ZFHX2: variants seen among roughly 807,000 people sequenced by gnomAD.
The protein encoded by ZFHX2 is zinc finger homeobox 2, also known as zinc finger homeobox protein 2.
Under a neutral mutation model 164.8 loss-of-function variants are expected in ZFHX2, and 75 were observed. The observed-to-expected ratio is 0.46, with a 90% confidence interval of 0.38 to 0.55. The LOEUF (loss-of-function observed/expected upper bound fraction) is 0.55, where lower values mean the gene tolerates loss of function less well. Ranked by LOEUF, ZFHX2 falls within the 20% of genes least tolerant of loss-of-function variation. The pLI is 0.00. For missense variants in ZFHX2, 2,933 were observed against 3,308.0 expected (o/e 0.89, Z 2.78); for synonymous variants, 1,217 against 1,351.4 (o/e 0.90, Z 2.18).
In ZFHX2 at chr14:23,522,895, C is replaced by A; in HGVS notation, c.6786G>T (p.Leu2262=). ...SGLLGLATSV[L]PTTTVVQTAG... is the part of the protein sequence containing the mutation. ...CAGTCTGGACCACTGTGGTGGTAGG[C>A]AGGACCGAAGTGGCGAGGCCGAGGA... Residue 2262 remains leucine, a synonymous_variant, in exon 10 of 10, where the codon CTG becomes CTT. Coordinates refer to ENST00000419474, the MANE Select transcript of ZFHX2 (RefSeq NM_033400.3). 1 of 1,481,256 alleles carries A rather than the reference C, an allele frequency of 6.8e-7. No individual in the cohort carries two copies. Among genetic ancestry groups the A allele is most frequent in the Non-Finnish European group, 8.9e-7 (1 of 1,119,472 alleles). The allele number at this position is 1,481,256 out of a possible 1,614,324, so 91.8% of individuals were successfully genotyped here. A position where few individuals can be genotyped will look rare whatever the true frequency, so the allele number is the denominator to read the frequency against.
At chr14:23,531,370 C>A in intron 4 of ZFHX2, 111 bp downstream of exon 4, 1 of 1,311,722 alleles carries the variant, frequency 7.6e-7, no homozygotes, top group Non-Finnish European at 9.8e-7. Context: ...GTATAGGTGG[C>A]CTACAGGCCC....
At chr14:23,530,265 A>C (rs1879364933) in intron 4 of ZFHX2, 71 bp from the exon 5 acceptor site, 5 of 1,136,470 alleles carry the variant, frequency 4.4e-6, no homozygotes, top group Middle Eastern at 1.9e-4. Flanking sequence ...AGGACAGAGG[A>C]AGCAGGACAA....
At chr14:23,536,931 A>G (rs1880211935) in intron 1 of ZFHX2, among the ~76,000 whole-genome samples, 1 of 152,194 alleles carries the variant, frequency 6.6e-6, no homozygotes, top group African/African-American at 2.4e-5. Context: ...TGAGGTCAGG[A>G]GTTTGAGACT....
rs1326796453 is a variant in ZFHX2, at chr14:23,522,840, G to A, written c.6841C>T (p.Pro2281Ser). ...GAGGTGTTGGTTTGGTCGGGCATGGGTCTCTGAGGTAAGGGGCGGCCTGGG... is the reference window on the plus strand; with the variant it reads ...GAGGTGTTGGTTTGGTCGGGCATGGATCTCTGAGGTAAGGGGCGGCCTGGG... The part of the protein sequence containing the change: ...AGPGRPLPQR[P>S]MPDQTNTSTA... Residue 2281 changes from proline (P) to serine (S), a missense_variant, in exon 10 of 10, where the codon CCC becomes TCC. Physicochemically the swap from Pro to Ser is moderately conservative, Grantham distance 74. Coordinates refer to ENST00000419474, the MANE Select transcript of ZFHX2 (RefSeq NM_033400.3). The A allele has an allele frequency of 1.0e-5, 16 of 1,533,064 alleles. No individual in the cohort carries two copies. The highest frequency in any genetic ancestry group is 1.4e-5 in the Non-Finnish European group (16 of 1,145,064). The allele number at this position is 1,533,064 out of a possible 1,614,324, so 95.0% of individuals were successfully genotyped here.
In ZFHX2 at chr14:23,549,265, C is replaced by T. The variant is rs950882214; in HGVS notation, c.-50+2078G>A. Among the ~76,000 whole-genome samples, 4 of 152,182 alleles carry T rather than the reference C, an allele frequency of 2.6e-5. No individual in the cohort carries two copies. The East Asian group carries it at 5.8e-4, about 22-fold the overall frequency. On this transcript the variant is annotated intron_variant, in intron 1 of 9. Transcript: ENST00000419474. ...ATAGATTTTCCTCCCTTCCTTTGCA[C>T]ATCCCTCACGTCATACATTTCTCTA...
At chr14:23,531,824 C>G (rs1030120162) in intron 3 of ZFHX2, 103 bp from the exon 4 acceptor site, 1 of 1,249,472 alleles carries the variant, frequency 8.0e-7, no homozygotes, top group African/African-American at 1.5e-5. Flanking sequence ...GTTGCCCAGG[C>G]TGGAGTGCAG....
rs764367616 is a variant in ZFHX2 at position 23,535,281 on chromosome 14, G to C, written c.45C>G (p.Ser15=). Residue 15 remains serine (S), a synonymous_variant, in exon 2 of 10, where the codon TCC becomes TCG. Transcript: ENST00000419474. This position sits in a 1 kb window ranked among gnomAD's most constrained non-coding sequence, Gnocchi z 4.5. ...NSASTTGTTP[S]PGHNAPSLPS... ...GCAGGGACGGGGCATTGTGCCCAGG[G>C]GAGGGGGTGGTACCAGTGGTAGAGG... 1.1e-4 allele frequency: 168 copies of C among 1,486,180 alleles called. No homozygotes were observed. Among genetic ancestry groups the C allele is most frequent in the Non-Finnish European group, 1.4e-4 (162 of 1,117,502 alleles). The allele number at this position is 1,486,180 out of a possible 1,614,324, so 92.1% of individuals were successfully genotyped here.
At chr14:23,555,619 T>G (rs1420934718), upstream of ZFHX2, 1 of 152,140 alleles carries the variant, frequency 6.6e-6, no homozygotes, top group South Asian at 2.1e-4. Context: ...AGGTATTAGA[T>G]CCCCTCTAAA....
Position 23,531,499 on chromosome 14 carries a change from C to A in ZFHX2, c.2782G>T (p.Gly928Trp), listed in dbSNP as rs942713029. 4 of 1,435,276 alleles carry A rather than the reference C, an allele frequency of 2.8e-6. No homozygotes were observed. The Admixed American group carries it at 9.4e-5, about 34-fold the overall frequency. The allele number at this position is 1,435,276 out of a possible 1,614,324, so 88.9% of individuals were successfully genotyped here. Residue 928 changes from glycine (G) to tryptophan (W), a missense_variant, in exon 4 of 10, where the codon GGG becomes TGG. Physicochemically the swap from Gly to Trp is radical, Grantham distance 184 (BLOSUM62 -2). Transcript: ENST00000419474. Reference sequence around the variant, plus strand: ...TCCTCACCGGGAGTCCGGAGCTGCCCGTGGCTGAAGCTCAGGATGCTCTGA... The same window carrying A: ...TCCTCACCGGGAGTCCGGAGCTGCCAGTGGCTGAAGCTCAGGATGCTCTGA... ...ALQSILSFSHGQLRTPGKAPV... is the reference protein window; with the variant it reads ...ALQSILSFSHWQLRTPGKAPV...
At position 23,529,850 on chromosome 14, in the gene ZFHX2, T is replaced by A. The variant is rs1444754733; in HGVS notation, c.2876-82A>T. 1.1e-5 allele frequency: 15 copies of A among 1,400,738 alleles called. No homozygotes were observed. In the South Asian group the frequency reaches 1.7e-4, roughly 16 times the overall value. 86.8% of individuals were successfully genotyped at this position (1,400,738 alleles called of 1,614,324 possible). A position where few individuals can be genotyped will look rare whatever the true frequency, so the allele number is the denominator to read the frequency against. On this transcript the variant is annotated intron_variant, in intron 5 of 9. Transcript: ENST00000419474. Reference sequence around the variant, plus strand: ...AGCAGAGAGCTTCCAGGGTAGGGAGTTGGGCACTAGAGAAAGGGCAGGAAA... The same window carrying A: ...AGCAGAGAGCTTCCAGGGTAGGGAGATGGGCACTAGAGAAAGGGCAGGAAA...
chr14:23,526,785 C>G (rs1878771168), intron 8 of ZFHX2, 62 bp downstream of exon 8: 1 of 1,525,356 alleles, frequency 6.6e-7, no homozygotes, highest in African/African-American at 1.4e-5. Flanking sequence ...ATCTTCAGAC[C>G]TTGTTGGCCC....
Position 23,526,038 on chromosome 14 carries a change from C to A in ZFHX2, c.3904G>T (p.Gly1302Trp). The part of the protein sequence containing the change: ...QEEPKEGETE[G>W]EVGTEKKGPD... ...CCCTTCTTCTCAGTGCCCACCTCCC[C>A]CTCTGTCTCGCCTTCCTTGGGCTCT... is the stretch of plus-strand genomic sequence containing the variant. The change falls in exon 9 of 10, where the codon GGG becomes TGG. Residue 1302 changes from glycine (G) to tryptophan (W), a missense_variant. Transcript: ENST00000419474. The A allele has an allele frequency of 2.6e-6, 4 of 1,536,410 alleles. No homozygotes were observed. The highest frequency in any genetic ancestry group is 2.4e-5 in the East Asian group (1 of 40,914).
rs1176792251 is a variant in ZFHX2 at position 23,525,744 on chromosome 14, G to A, written c.4198C>T (p.Pro1400Ser). Residue 1400 changes from proline (P) to serine (S), a missense_variant, in exon 9 of 10, where the codon CCT becomes TCT. Transcript: ENST00000419474. This position sits in a 1 kb window ranked among gnomAD's most constrained non-coding sequence, Gnocchi z 5.9. ...CGCTCAGCCAGCTCAGCCTTGGGAG[G>A]TTGGGGTGGAGGAGGAGGGGTGGCA... is the stretch of plus-strand genomic sequence containing the variant. ...PAATPPPPPQPPKAELAEREW... is the reference protein window; with the variant it reads ...PAATPPPPPQSPKAELAEREW... The A allele has an allele frequency of 6.6e-7, 1 of 1,511,850 alleles. No homozygotes were observed. Among genetic ancestry groups the A allele is most frequent in the Non-Finnish European group, 8.8e-7 (1 of 1,134,100 alleles). The allele number at this position is 1,511,850 out of a possible 1,614,324, so 93.7% of individuals were successfully genotyped here. A position where few individuals can be genotyped will look rare whatever the true frequency, so the allele number is the denominator to read the frequency against.
chr14:23,532,209 C>T (rs139716177), intron 3 of ZFHX2: 1 of 201,056 alleles, frequency 5.0e-6, no homozygotes. Flanking sequence ...TCTCCCCAAC[C>T]CTTTCTCTTT....
Position 23,533,730 on chromosome 14 carries a change from G to T in ZFHX2, c.1596C>A (p.His532Gln), listed in dbSNP as rs1349583138. The stretch of plus-strand genomic sequence containing the variant: ...CCTGGAAGCCCTGTAGGTTGGCCAG[G>T]TGCTTGTCAGACTGCATATGGATGC... ...NLSIHMQSDK[H>Q]LANLQGFQAG... Residue 532 changes from histidine to glutamine, a missense_variant, in exon 2 of 10, where the codon CAC becomes CAA. By Grantham distance (24) the His-to-Gln change is conservative. Transcript: ENST00000419474. The surrounding 1 kb of genome is among the most constrained non-coding windows in gnomAD (Gnocchi z 4.8). The T allele has an allele frequency of 1.9e-6, 3 of 1,553,172 alleles. No homozygotes were observed. The highest frequency in any genetic ancestry group is 1.9e-5 in the Admixed American group (1 of 52,786).
chr14:23,552,679 G>A (rs1882066838), upstream of ZFHX2, among the ~76,000 whole-genome samples: 5 of 151,888 alleles, frequency 3.3e-5, no homozygotes, highest in African/African-American at 1.2e-4. Flanking sequence ...CCGGCTCACT[G>A]CAACCTTCAC....
At chr14:23,531,283 C>T (rs1879515264) in intron 4 of ZFHX2, 198 bp downstream of exon 4, 6 of 737,116 alleles carry the variant, frequency 8.1e-6, no homozygotes, top group Non-Finnish European at 1.1e-5. Flanking sequence ...CCCTTCTTTG[C>T]CCCTCCACTC....
At position 23,525,138 on chromosome 14, in the gene ZFHX2, A is replaced by C; in HGVS notation, c.4804T>G (p.Phe1602Val). 6.5e-7 allele frequency: 1 copy of C among 1,536,174 alleles called. No individual in the cohort carries two copies. The highest frequency in any genetic ancestry group is 1.2e-5 in the South Asian group (1 of 84,066). The change falls in exon 9 of 10, where the codon TTC becomes GTC. Residue 1602 changes from phenylalanine (F) to valine (V), a missense_variant. Coordinates refer to ENST00000419474, the MANE Select transcript of ZFHX2 (RefSeq NM_033400.3). This position sits in a 1 kb window ranked among gnomAD's most constrained non-coding sequence, Gnocchi z 5.9. ...PAGRRFSRTK[F>V]TEFQTQALQS... Reference sequence around the variant, plus strand: ...AGGGCTTGGGTCTGGAACTCTGTGAACTTGGTTCTGGAGAACCGGCGGCCG... The same window carrying C: ...AGGGCTTGGGTCTGGAACTCTGTGACCTTGGTTCTGGAGAACCGGCGGCCG...
chr14:23,534,577 T>C lies in ZFHX2; in HGVS notation c.749A>G (p.Gln250Arg), dbSNP rs1333285394. 1.3e-6 allele frequency: 2 copies of C among 1,536,118 alleles called. No homozygotes were observed. The highest frequency in any genetic ancestry group is 1.7e-6 in the Non-Finnish European group (2 of 1,146,908). Residue 250 changes from glutamine (Q) to arginine (R), a missense_variant, in exon 2 of 10, where the codon CAG (glutamine) becomes CGG (arginine). Coordinates refer to ENST00000419474, the MANE Select transcript of ZFHX2 (RefSeq NM_033400.3). This position sits in a 1 kb window ranked among gnomAD's most constrained non-coding sequence, Gnocchi z 4.5. ...AGACTGTGTGTGATCCATAAAGGCC[T>C]GGGGCTTGCTGAAACCCAGGCGGCA... is the stretch of plus-strand genomic sequence containing the variant. ...LLCRLGFSKP[Q>R]AFMDHTQSHG...
Sources: allele counts gnomAD v4.1 joint callset (sites outside exome capture counted in the v4.1 genomes callset), GRCh38; gene constraint gnomAD v4.1.1; non-coding constraint Gnocchi (gnomAD v3.1); transcripts MANE v1.5; gene names NCBI Gene and HGNC (gene_info 2026-07-23, HGNC 2026-07-21).